The following NUDC variants were observed in gnomAD, a reference collection of about 807,000 sequenced individuals.
The protein encoded by NUDC is nuclear distribution C, dynein complex regulator.
Under a neutral mutation model 45.0 loss-of-function variants are expected in NUDC, and 14 were observed. The ratio of observed to expected loss-of-function variants is 0.31; its 90% CI spans 0.21 to 0.49. The LOEUF (loss-of-function observed/expected upper bound fraction) is 0.49, where lower values mean the gene tolerates loss of function less well. NUDC is among the 20% of genes least tolerant of loss of function. The pLI, the probability that NUDC is intolerant of heterozygous loss-of-function variation, is 0.99. For synonymous variants in NUDC, 153 were observed against 156.7 expected, an observed-to-expected ratio of 0.98 and a Z score of 0.17; for missense variants, 323 against 426.2, an observed-to-expected ratio of 0.76 and a Z score of 2.13.
At chr1:26,937,164 G>A (rs2082241758) in intron 2 of NUDC, among the ~76,000 whole-genome samples, 1 of 152,130 alleles carries the variant, frequency 6.6e-6, no homozygotes, top group Non-Finnish European at 1.5e-5. Context: ...GTAGGGCTAG[G>A]TATGGGGGTG....
chr1:26,910,932 G>A (rs544984090), intron 2 of NUDC, among the ~76,000 whole-genome samples: 1 of 152,310 alleles, frequency 6.6e-6, no homozygotes, highest in Admixed American at 6.5e-5. Flanking sequence ...AGGAAACTGG[G>A]GAGGCCTCAG....
At chr1:26,926,390 C>T (rs2124101841) in intron 2 of NUDC, among the ~76,000 whole-genome samples, 1 of 152,220 alleles carries the variant, frequency 6.6e-6, no homozygotes, top group South Asian at 2.1e-4. Flanking sequence ...TAGTCGAGTT[C>T]CCAGCAATGC....
chr1:26,913,945 A>C, intron 3 of NUDC: 2 of 1,469,246 alleles, frequency 1.4e-6, no homozygotes, highest in Non-Finnish European at 1.8e-6. Context: ...GCTCATGGTT[A>C]GGGATCTGCT....
chr1:26,914,975 ATATATGTATATGTATATGTATATG>A (rs57409245), intron 3 of NUDC, among the ~76,000 whole-genome samples: 6 of 141,304 alleles, frequency 4.2e-5, no homozygotes, highest in Non-Finnish European at 6.0e-5. Flanking sequence ...TCAAAAAAAT[ATATATGTATATGTATATGTATATG>A]TATATGTATA....
At chr1:26,907,907 G>A (rs1016919291) in intron 2 of NUDC, among the ~76,000 whole-genome samples, 18 of 152,154 alleles carry the variant, frequency 1.2e-4, no homozygotes, top group Non-Finnish European at 1.9e-4. Flanking sequence ...GGCCAGGTGC[G>A]GTGGCTCATG....
intron 1 of NUDC, chr1:26,922,232 G>A (rs1431839509): frequency 5.8e-5 from 29 of 495,832 alleles, no homozygotes; most frequent in Non-Finnish European, 9.9e-5. Context: ...CTTCCAAGGA[G>A]CATCCCTTAG....
intron 2 of NUDC, among the ~76,000 whole-genome samples, chr1:26,905,678 G>T (rs1346802069): frequency 1.3e-5 from 2 of 151,440 alleles, no homozygotes; most frequent in East Asian, 4.0e-4. Context: ...TTTTGCCCTG[G>T]TATAGGGAGG....
intron 2 of NUDC, among the ~76,000 whole-genome samples, chr1:26,932,865 G>A (rs149014385): frequency 6.0e-4 from 91 of 152,186 alleles, no homozygotes; most frequent in African/African-American, 2.0e-3. Context: ...GGCTTATTTC[G>A]TTTAATGTAA....
chr1:26,901,803 C>T, intron 1 of NUDC, among the ~76,000 whole-genome samples: 1 of 152,022 alleles, frequency 6.6e-6, no homozygotes, highest in East Asian at 1.9e-4. Context: ...ATAGGAGGAA[C>T]CTGTAGATTG....
At chr1:26,934,495 A>C (rs1224400656) in intron 2 of NUDC, among the ~76,000 whole-genome samples, 1 of 152,138 alleles carries the variant, frequency 6.6e-6, no homozygotes, top group Non-Finnish European at 1.5e-5. Context: ...TCATGTCTTC[A>C]CATTTCAAAA....
chr1:26,942,248 G>A (rs766835868), intron 4 of NUDC, among the ~76,000 whole-genome samples: 10 of 152,078 alleles, frequency 6.6e-5, no homozygotes, highest in Admixed American at 5.2e-4. Flanking sequence ...CCGAGATCAC[G>A]CCACTGCACT....
At chr1:26,919,851 G>C (rs1301460617), upstream of NUDC, among the ~76,000 whole-genome samples, 1 of 152,098 alleles carries the variant, frequency 6.6e-6, no homozygotes, top group Non-Finnish European at 1.5e-5. Context: ...TTTTGCTTTT[G>C]CATGTTAAAA....
chr1:26,934,478 C>G (rs2082210385), intron 2 of NUDC, among the ~76,000 whole-genome samples: 1 of 152,138 alleles, frequency 6.6e-6, no homozygotes, highest in Admixed American at 6.6e-5. Context: ...GGTACCCCCG[C>G]CAAATCTCAT....
At chr1:26,911,626 T>G in intron 3 of NUDC, 1 of 591,972 alleles carries the variant, frequency 1.7e-6, no homozygotes. Flanking sequence ...CCAGAGGCTG[T>G]GGGGACCACC....
At chr1:26,908,104 G>T (rs376006427) in intron 2 of NUDC, among the ~76,000 whole-genome samples, 1 of 152,098 alleles carries the variant, frequency 6.6e-6, no homozygotes, top group African/African-American at 2.4e-5. Context: ...GCTTGAACCC[G>T]GGAGGCGGAG....
At chr1:26,922,503 A>C (rs188035086) in intron 1 of NUDC, 9 of 156,518 alleles carry the variant, frequency 5.8e-5, no homozygotes, top group Non-Finnish European at 1.3e-4. Flanking sequence ...GTAAGTTCTC[A>C]GTAATAAGGC....
intron 2 of NUDC, among the ~76,000 whole-genome samples, chr1:26,931,377 CTTTTTTTTT>C (rs796368735): frequency 3.9e-5 from 3 of 76,976 alleles, no homozygotes; most frequent in African/African-American, 1.4e-4. Flanking sequence ...TGCGCCTGGC[CTTTTTTTTT>C]TTTTTTTTTT....
At chr1:26,943,740 A>G (rs2082297267) in intron 6 of NUDC, among the ~76,000 whole-genome samples, 1 of 152,130 alleles carries the variant, frequency 6.6e-6, no homozygotes, top group Non-Finnish European at 1.5e-5. Context: ...TTCATTCTCA[A>G]CCTCACTGCC....
At chr1:26,900,405 A>G in intron 1 of NUDC, 1 of 1,612,164 alleles carries the variant, frequency 6.2e-7, no homozygotes, top group Non-Finnish European at 8.5e-7. Flanking sequence ...TACCAGGTAA[A>G]CTGTCGCCTC....
Sources: gnomAD v4.1 joint callset for allele counts (sites outside exome capture counted in the v4.1 genomes callset) on GRCh38, gnomAD v4.1.1 for gene constraint, MANE v1.5 for transcripts, NCBI Gene and HGNC (gene_info 2026-07-23, HGNC 2026-07-21) for gene names.